Variants in RUNDC3B observed in about 807,000 individuals in gnomAD.
The protein encoded by RUNDC3B is RUN domain containing 3B.
A neutral mutation model predicts 58.4 loss-of-function variants in RUNDC3B; 33 were observed. The observed-to-expected ratio is 0.56, with a 90% CI of 0.43 to 0.75. RUNDC3B has a LOEUF of 0.75. Ranked by LOEUF, RUNDC3B falls within the 30% of genes least tolerant of loss-of-function variation. The pLI, the probability that RUNDC3B is intolerant of heterozygous loss-of-function variation, is 0.00. For missense variants in RUNDC3B, 501 were observed against 535.7 expected (o/e 0.94, Z 0.64); for synonymous variants, 193 against 195.2 (o/e 0.99, Z 0.10).
chr7:87,772,513 G>A (rs1186169859), intron 7 of RUNDC3B, among the ~76,000 whole-genome samples: 1 of 151,920 alleles, frequency 6.6e-6, no homozygotes, highest in Non-Finnish European at 1.5e-5. Flanking sequence ...AGTCTTTTGA[G>A]CTAGTCTTTT....
At chr7:87,824,287 A>G (rs28437979) in intron 10 of RUNDC3B, among the ~76,000 whole-genome samples, 15,942 of 152,076 alleles carry the variant, frequency 0.1, 1,043 homozygotes, top group African/African-American at 0.19. Flanking sequence ...TTATTGGGGC[A>G]AGTCTTTCCC....
chr7:87,781,364 C>T (rs776626484), intron 8 of RUNDC3B, among the ~76,000 whole-genome samples: 2 of 147,958 alleles, frequency 1.4e-5, no homozygotes, highest in Non-Finnish European at 3.0e-5. Flanking sequence ...TGAAGTTGTT[C>T]TTCAGTTCTA....
At chr7:87,644,916 T>G (rs1347712163) in intron 1 of RUNDC3B, among the ~76,000 whole-genome samples, 1 of 152,006 alleles carries the variant, frequency 6.6e-6, no homozygotes, top group Non-Finnish European at 1.5e-5. Context: ...ATAATTATGT[T>G]ACAAATCTAT....
intron 2 of RUNDC3B, among the ~76,000 whole-genome samples, chr7:87,670,942 G>C: frequency 1.3e-5 from 2 of 152,206 alleles, no homozygotes; most frequent in East Asian, 3.9e-4. Context: ...GGTACTTCTG[G>C]GCTGCCCACT....
intron 8 of RUNDC3B, among the ~76,000 whole-genome samples, chr7:87,792,460 A>G (rs1835578141): frequency 6.6e-6 from 1 of 152,108 alleles, no homozygotes; most frequent in South Asian, 2.1e-4. Context: ...ACCCTATGTT[A>G]AGTCACAAAA....
chr7:87,739,015 T>C (rs1009073721), intron 4 of RUNDC3B, among the ~76,000 whole-genome samples: 2 of 151,936 alleles, frequency 1.3e-5, no homozygotes, highest in Non-Finnish European at 1.5e-5. Context: ...TGGTTACTGA[T>C]ATAAACTAGA....
At chr7:87,814,023 C>A (rs1836883243) in intron 9 of RUNDC3B, among the ~76,000 whole-genome samples, 1 of 150,474 alleles carries the variant, frequency 6.6e-6, no homozygotes, top group Non-Finnish European at 1.5e-5. Context: ...GTGAGATTTT[C>A]TGTGATACGA....
intron 6 of RUNDC3B, among the ~76,000 whole-genome samples, chr7:87,758,886 T>A (rs1833526247): frequency 6.6e-6 from 1 of 152,154 alleles, no homozygotes; most frequent in Non-Finnish European, 1.5e-5. Flanking sequence ...GGTGGGAATG[T>A]AAATTAGTAT....
At chr7:87,792,547 C>CA (rs895846555) in intron 8 of RUNDC3B, among the ~76,000 whole-genome samples, 1 of 151,842 alleles carries the variant, frequency 6.6e-6, no homozygotes, top group African/African-American at 2.4e-5. Context: ...AACTAGAAAT[C>CA]AATAATGAGA....
intron 10 of RUNDC3B, among the ~76,000 whole-genome samples, chr7:87,825,010 T>C (rs1296460482): frequency 1.3e-5 from 2 of 151,816 alleles, no homozygotes; most frequent in African/African-American, 2.4e-5. Flanking sequence ...GACAATGTGA[T>C]AGAAAAGAAA....
At chr7:87,815,463 A>G (rs1836975877) in intron 9 of RUNDC3B, among the ~76,000 whole-genome samples, 1 of 152,112 alleles carries the variant, frequency 6.6e-6, no homozygotes. Context: ...ACCAAATATG[A>G]GGAAAGGTTA....
intron 4 of RUNDC3B, among the ~76,000 whole-genome samples, 167 bp from the exon 5 acceptor site, chr7:87,739,624 G>C (rs1188744688): frequency 6.6e-6 from 1 of 151,412 alleles, no homozygotes; most frequent in African/African-American, 2.4e-5. Context: ...TCTTTATTTT[G>C]GTCTAAATAT....
intron 1 of RUNDC3B, among the ~76,000 whole-genome samples, chr7:87,649,993 T>A (rs1409731671): frequency 6.6e-6 from 1 of 152,192 alleles, no homozygotes; most frequent in Non-Finnish European, 1.5e-5. Flanking sequence ...TAAATCTCTT[T>A]CCTTTATAAA....
chr7:87,811,817 G>C (rs1478590018), intron 9 of RUNDC3B, among the ~76,000 whole-genome samples: 2 of 152,034 alleles, frequency 1.3e-5, no homozygotes, highest in Non-Finnish European at 2.9e-5. Flanking sequence ...GGCTTTCCTT[G>C]CATCCTTCTG....
In RUNDC3B at chr7:87,807,479, G is replaced by T; in HGVS notation, c.1063G>T (p.Asp355Tyr). The T allele has an allele frequency of 6.2e-7, 1 of 1,613,636 alleles. No individual in the cohort carries two copies. The highest frequency in any genetic ancestry group is 8.5e-7 in the Non-Finnish European group (1 of 1,179,638). Residue 355 changes from aspartate to tyrosine, a missense_variant, in exon 9 of 11, where the codon GAT becomes TAT. Transcript: ENST00000394654. ...GALDVNAVAL[D>Y]TLLYRKHNKQ... ...TCTGGATGTCAATGCTGTTGCCTTG[G>T]ATACGTTGCTTTACCGAAAACACAA... is the stretch of plus-strand genomic sequence containing the variant.
At chr7:87,792,867 T>C (rs550784104) in intron 8 of RUNDC3B, among the ~76,000 whole-genome samples, 1 of 151,640 alleles carries the variant, frequency 6.6e-6, no homozygotes, top group Non-Finnish European at 1.5e-5. Context: ...ATAAATGAAA[T>C]TGAAATGAAA....
chr7:87,797,017 C>G lies in RUNDC3B; in HGVS notation c.957-10356C>G, dbSNP rs1835856482. Among the ~76,000 whole-genome samples the G allele has an allele frequency of 2.6e-5, 4 of 152,018 alleles. No homozygotes were observed. The South Asian group carries it at 8.3e-4, about 31-fold the overall frequency. On this transcript the variant is annotated intron_variant, in intron 8 of 10. Coordinates refer to ENST00000394654, the MANE Select transcript of RUNDC3B (RefSeq NM_001134405.2). ...TTGGTTTGTAACCACATTTTGTTTTCTACATAATTTATGGGACTAATGTGT... is the reference window on the plus strand; with the variant it reads ...TTGGTTTGTAACCACATTTTGTTTTGTACATAATTTATGGGACTAATGTGT...
At chr7:87,733,212 A>C (rs1272095430) in intron 4 of RUNDC3B, among the ~76,000 whole-genome samples, 1 of 152,060 alleles carries the variant, frequency 6.6e-6, no homozygotes, top group Non-Finnish European at 1.5e-5. Context: ...CTTTTCTGGG[A>C]TGGGAATCTT....
chr7:87,756,468 C>G (rs770811859), intron 6 of RUNDC3B, among the ~76,000 whole-genome samples: 9 of 151,928 alleles, frequency 5.9e-5, no homozygotes, highest in African/African-American at 2.2e-4. Flanking sequence ...TCCAATATAG[C>G]AAAATATTTA....
Sources: allele counts gnomAD v4.1 joint callset (sites outside exome capture counted in the v4.1 genomes callset), GRCh38; gene constraint gnomAD v4.1.1; transcripts MANE v1.5; gene names NCBI Gene and HGNC (gene_info 2026-07-23, HGNC 2026-07-21).